Variants in PABPC1 observed in about 807,000 individuals in gnomAD.
PABPC1 encodes the protein poly(A) binding protein cytoplasmic 1, also known as polyadenylate-binding protein 1.
Under a neutral mutation model 74.0 loss-of-function variants are expected in PABPC1, and 4 were observed. The ratio of observed to expected loss-of-function variants is 0.05; its 90% CI spans 0.03 to 0.12. The LOEUF is 0.12. Among genes scored for constraint, PABPC1 ranks in the 10% least tolerant of loss-of-function variants. The pLI is 1.00. For missense variants in PABPC1, 271 were observed against 821.1 expected (o/e 0.33, Z 8.19); for synonymous variants, 227 against 264.1 (o/e 0.86, Z 1.36).
intron 7 of PABPC1, 145 bp from the exon 8 acceptor site, chr8:100,709,876 T>C: frequency 1.1e-6 from 1 of 937,494 alleles, no homozygotes; most frequent in Non-Finnish European, 1.5e-6. Flanking sequence ...CCCATTGAGT[T>C]CACAATTTTT....
In PABPC1 at chr8:100,712,347, CAT is replaced by C. The variant is rs777336049; in HGVS notation, c.972+13_972+14del. ...TTTACTAGACCTCAAATAAATGAAC[CAT>C]ATGTTTTCTTACCTTTGCACTAGTG... On this transcript the variant is annotated intron_variant, in intron 7 of 14. Coordinates refer to ENST00000318607, the MANE Select transcript of PABPC1 (RefSeq NM_002568.4). 84 of 1,452,342 alleles carry C rather than the reference CAT, an allele frequency of 5.8e-5. No individual in the cohort carries two copies. Among genetic ancestry groups the C allele is most frequent in the South Asian group, 5.0e-4 (40 of 80,328 alleles). The allele number at this position is 1,452,342 out of a possible 1,614,324, so 90.0% of individuals were successfully genotyped here.
Position 100,721,352 on chromosome 8 carries a change from C to T in PABPC1, c.193+39G>A, listed in dbSNP as rs1241259348. The T allele has an allele frequency of 7.7e-7, 1 of 1,298,638 alleles. No homozygotes were observed. The highest frequency in any genetic ancestry group is 1.0e-6 in the Non-Finnish European group (1 of 995,896). 80.4% of individuals were successfully genotyped at this position (1,298,638 alleles called of 1,614,324 possible). ...GCCGCCGCCGCCCGAGCCTCATGGC[C>T]GCCCGCCCGCCCGGCCGACCGCGGA... On this transcript the variant is annotated intron_variant, in intron 1 of 14. Coordinates refer to ENST00000318607, the MANE Select transcript of PABPC1 (RefSeq NM_002568.4). This position sits in a 1 kb window ranked among gnomAD's most constrained non-coding sequence, Gnocchi z 7.4.
At chr8:100,705,476 GCCAATTCAGATCAATT>G (rs1810356425) in intron 12 of PABPC1, 97 bp downstream of exon 12, 1 of 743,516 alleles carries the variant, frequency 1.3e-6, no homozygotes, top group Non-Finnish European at 2.4e-6. Context: ...AATCATTCAT[GCCAATTCAGATCAATT>G]CCACTGCCCT....
chr8:100,706,027 T>C (rs893229682), intron 11 of PABPC1, among the ~76,000 whole-genome samples: 2 of 152,086 alleles, frequency 1.3e-5, no homozygotes, highest in African/African-American at 4.8e-5. Context: ...TTTATATTTT[T>C]AGAGCTGGGG....
intron 4 of PABPC1, among the ~76,000 whole-genome samples, chr8:100,713,680 G>A (rs967741791): frequency 2.0e-5 from 3 of 152,120 alleles, no homozygotes; most frequent in Non-Finnish European, 4.4e-5. Flanking sequence ...TAGAGATAGG[G>A]TCTTGCTATG....
rs547980142 is a variant in PABPC1 at position 100,721,385 on chromosome 8, G to A, written c.193+6C>T. The A allele has an allele frequency of 6.6e-6, 10 of 1,513,506 alleles. No homozygotes were observed. The East Asian group carries it at 1.9e-4, about 29-fold the overall frequency. The allele number at this position is 1,513,506 out of a possible 1,614,324, so 93.8% of individuals were successfully genotyped here. On this transcript the variant is annotated splice_donor_region_variant and intron_variant, in intron 1 of 14. Transcript: ENST00000318607. The surrounding 1 kb of genome is among the most constrained non-coding windows in gnomAD (Gnocchi z 7.4). ...CGCCCGGCCGACCGCGGAGCCCGGC[G>A]CTCACCGTCCGCCGGCTGCTGGAAG... is the stretch of plus-strand genomic sequence containing the variant.
chr8:100,718,545 T>C (rs911156774), intron 1 of PABPC1, among the ~76,000 whole-genome samples: 2 of 152,252 alleles, frequency 1.3e-5, no homozygotes, highest in African/African-American at 2.4e-5. Flanking sequence ...AATAAATTCT[T>C]GACGCAATCT....
intron 4 of PABPC1, among the ~76,000 whole-genome samples, chr8:100,713,430 T>TA (rs967807437): frequency 6.6e-6 from 1 of 152,194 alleles, no homozygotes; most frequent in Non-Finnish European, 1.5e-5. Flanking sequence ...TAAACGGCTG[T>TA]AAAAAGTTTT....
chr8:100,720,064 A>C (rs1411844884), intron 1 of PABPC1, among the ~76,000 whole-genome samples: 1 of 152,250 alleles, frequency 6.6e-6, no homozygotes, highest in African/African-American at 2.4e-5. Context: ...ATGAATGTTA[A>C]TAGGAGCTTA....
chr8:100,713,325 G>GGTA (rs1810578725), intron 4 of PABPC1, 144 bp from the exon 5 acceptor site: 1 of 500,352 alleles, frequency 2.0e-6, no homozygotes, highest in South Asian at 3.6e-5. Context: ...GCCCCAGGTA[G>GGTA]GTATACTTTT....
chr8:100,704,900 CA>C, intron 13 of PABPC1, 25 bp downstream of exon 13: 1 of 1,610,350 alleles, frequency 6.2e-7, no homozygotes, highest in Non-Finnish European at 8.5e-7. Flanking sequence ...GTGTAAGAGG[CA>C]ACTTGGTAAA....
chr8:100,712,459 T>TAAAAAGAAGAAAAGAAAACTATAG lies in PABPC1; in HGVS notation c.877-26_877-3dup. ...ATTTTTCACATAAAGATTAACACCCTAAAAAGAAGAAAAGAAAACTATAGA... is the reference window on the plus strand; with the variant it reads ...ATTTTTCACATAAAGATTAACACCCTAAAAAGAAGAAAAGAAAACTATAGAAAAAGAAGAAAAGAAAACTATAGA... On this transcript the variant is annotated splice_polypyrimidine_tract_variant and splice_region_variant and intron_variant, in intron 6 of 14. Coordinates refer to ENST00000318607, the MANE Select transcript of PABPC1 (RefSeq NM_002568.4). 1 of 1,578,980 alleles carries TAAAAAGAAGAAAAGAAAACTATAG rather than the reference T, an allele frequency of 6.3e-7. No individual in the cohort carries two copies. Among genetic ancestry groups the TAAAAAGAAGAAAAGAAAACTATAG allele is most frequent in the Non-Finnish European group, 8.6e-7 (1 of 1,161,904 alleles).
intron 3 of PABPC1, among the ~76,000 whole-genome samples, chr8:100,716,909 C>T (rs958559485): frequency 6.6e-6 from 1 of 152,226 alleles, no homozygotes; most frequent in African/African-American, 2.4e-5. Flanking sequence ...AGAGTTATAT[C>T]ACTTTTACTC....
At position 100,721,649 on chromosome 8, in the gene PABPC1, G is replaced by C; in HGVS notation, c.-66C>G. On this transcript the variant is annotated 5_prime_UTR_variant, in exon 1 of 15. Transcript: ENST00000318607. This position sits in a 1 kb window ranked among gnomAD's most constrained non-coding sequence, Gnocchi z 7.4. Reference sequence around the variant, plus strand: ...CCGTGAGAGGAGGAGAGCGAGTGCCGGGGCTGGGGGCCGGAGCCGGGGGGA... The same window carrying C: ...CCGTGAGAGGAGGAGAGCGAGTGCCCGGGCTGGGGGCCGGAGCCGGGGGGA... 4 of 1,327,064 alleles carry C rather than the reference G, an allele frequency of 3.0e-6. No individual in the cohort carries two copies. Among genetic ancestry groups the C allele is most frequent in the Non-Finnish European group, 4.0e-6 (4 of 1,007,226 alleles). 82.2% of individuals were successfully genotyped at this position (1,327,064 alleles called of 1,614,324 possible). A position where few individuals can be genotyped will look rare whatever the true frequency, so the allele number is the denominator to read the frequency against.
chr8:100,714,490 G>C (rs111681019), intron 4 of PABPC1, among the ~76,000 whole-genome samples: 1 of 152,054 alleles, frequency 6.6e-6, no homozygotes, highest in African/African-American at 2.4e-5. Context: ...CAGCACTTTG[G>C]GAGGCCGAGG....
At position 100,704,912 on chromosome 8, in the gene PABPC1, T is replaced by C; in HGVS notation, c.1818+14A>G. ...ACTGTGTAAGAGGCAACTTGGTAAA[T>C]AAATTTAAATCACCTTAGAACGGAG... On this transcript the variant is annotated intron_variant, in intron 13 of 14. Coordinates refer to ENST00000318607, the MANE Select transcript of PABPC1 (RefSeq NM_002568.4). 1.9e-6 allele frequency: 3 copies of C among 1,609,084 alleles called. No individual in the cohort carries two copies. The highest frequency in any genetic ancestry group is 1.1e-5 in the South Asian group (1 of 90,670).
At chr8:100,707,277 C>T (rs1030141481) in intron 9 of PABPC1, 8 of 273,652 alleles carry the variant, frequency 2.9e-5, no homozygotes, top group South Asian at 7.4e-5. Context: ...AATAAAGACA[C>T]GAGACACAGA....
intron 1 of PABPC1, among the ~76,000 whole-genome samples, chr8:100,720,754 T>C (rs1457366027): frequency 6.6e-6 from 1 of 152,190 alleles, no homozygotes; most frequent in Non-Finnish European, 1.5e-5. Context: ...CTCCGGTAAA[T>C]TCCATTCCTA....
intron 11 of PABPC1, 21 bp from the exon 12 acceptor site, chr8:100,705,694 CTT>C: frequency 6.5e-7 from 1 of 1,533,282 alleles, no homozygotes; most frequent in Non-Finnish European, 9.0e-7. Flanking sequence ...AATGAGAACT[CTT>C]AAGTTTAAAG....
Sources: allele counts gnomAD v4.1 joint callset (sites outside exome capture counted in the v4.1 genomes callset), GRCh38; gene constraint gnomAD v4.1.1; non-coding constraint Gnocchi (gnomAD v3.1); transcripts MANE v1.5; gene names NCBI Gene and HGNC (gene_info 2026-07-23, HGNC 2026-07-21).